Variants in CLNK observed in about 807,000 individuals in gnomAD.
CLNK encodes the protein cytokine dependent hematopoietic cell linker, also known as cytokine-dependent hematopoietic cell linker.
A neutral mutation model predicts 68.6 loss-of-function variants in CLNK; 74 were observed. The ratio of observed to expected loss-of-function variants is 1.08; its 90% confidence interval spans 0.89 to 1.31. The LOEUF is 1.31. Ranked by LOEUF, CLNK falls within the 50% of genes most tolerant of loss-of-function variation. CLNK has a pLI of 0.00. For missense variants in CLNK, 553 were observed against 515.3 expected, an observed-to-expected ratio of 1.07 and a Z score of -0.71; for synonymous variants, 198 against 172.2, an observed-to-expected ratio of 1.15 and a Z score of -1.17.
chr4:10,633,438 C>T (rs1217150307), intron 2 of CLNK, among the ~76,000 whole-genome samples: 1 of 152,246 alleles, frequency 6.6e-6, no homozygotes, highest in Non-Finnish European at 1.5e-5. Flanking sequence ...AACGCTTACT[C>T]TGTGCCAGAT....
intron 2 of CLNK, among the ~76,000 whole-genome samples, chr4:10,632,168 C>G (rs955082502): frequency 6.6e-6 from 1 of 152,226 alleles, no homozygotes; most frequent in Non-Finnish European, 1.5e-5. Flanking sequence ...ATGGCAACTT[C>G]TTTTCCCCAG....
At chr4:10,663,167 C>G (rs1308600664) in intron 2 of CLNK, among the ~76,000 whole-genome samples, 1 of 152,244 alleles carries the variant, frequency 6.6e-6, no homozygotes, top group African/African-American at 2.4e-5. Flanking sequence ...ATGCCCTTAT[C>G]TAGCCCCAGC....
chr4:10,585,439 G>C (rs1390314887), intron 3 of CLNK, among the ~76,000 whole-genome samples: 1 of 152,220 alleles, frequency 6.6e-6, no homozygotes, highest in Admixed American at 6.5e-5. Context: ...GTTCAAATCA[G>C]GCAAACGCCG....
chr4:10,703,634 C>A, the CLNK span, among the ~76,000 whole-genome samples: 1 of 152,036 alleles, frequency 6.6e-6, no homozygotes, highest in Non-Finnish European at 1.5e-5. Context: ...TGTCATTAGG[C>A]GATTTTGTAG....
chr4:10,607,215 C>A (rs1721823986), intron 2 of CLNK, among the ~76,000 whole-genome samples: 1 of 152,190 alleles, frequency 6.6e-6, no homozygotes, highest in South Asian at 2.1e-4. Context: ...TCGAGCAAGG[C>A]TTTGAGCTGG....
chr4:10,509,930 G>C (rs1389817245), intron 16 of CLNK, among the ~76,000 whole-genome samples: 3 of 152,174 alleles, frequency 2.0e-5, no homozygotes, highest in African/African-American at 7.2e-5. Flanking sequence ...AAAGCCACGT[G>C]ACAGGCTCTA....
chr4:10,600,803 T>C (rs188524804), intron 2 of CLNK, among the ~76,000 whole-genome samples: 22 of 152,328 alleles, frequency 1.4e-4, no homozygotes, highest in African/African-American at 5.3e-4. Flanking sequence ...CTGCACTGAG[T>C]AGGAGCCCTC....
the CLNK span, among the ~76,000 whole-genome samples, chr4:10,699,507 TA>T: frequency 2.9e-5 from 1 of 34,928 alleles, no homozygotes; most frequent in East Asian, 1.4e-3. Flanking sequence ...TATATATATA[TA>T]TATATTTTTT....
intron 4 of CLNK, among the ~76,000 whole-genome samples, chr4:10,584,106 TC>T (rs1720887406): frequency 6.6e-6 from 1 of 152,196 alleles, no homozygotes; most frequent in Admixed American, 6.5e-5. Flanking sequence ...GAAAACTTTT[TC>T]TGTAGAGGGA....
At chr4:10,560,150 C>T (rs533159865) in intron 7 of CLNK, among the ~76,000 whole-genome samples, 34 of 152,328 alleles carry the variant, frequency 2.2e-4, no homozygotes, top group South Asian at 8.3e-4. Context: ...TGCAGGTCTG[C>T]GTGCGTTTGC....
chr4:10,645,517 G>C (rs1347891443), intron 2 of CLNK, among the ~76,000 whole-genome samples: 1 of 152,008 alleles, frequency 6.6e-6, no homozygotes. Flanking sequence ...AGATAGACAG[G>C]AATTTACATA....
the CLNK span, among the ~76,000 whole-genome samples, chr4:10,699,802 C>T: frequency 2.0e-5 from 3 of 151,740 alleles, no homozygotes; most frequent in Non-Finnish European, 4.4e-5. Flanking sequence ...GCATGAGCCA[C>T]GGCACCCCGC....
At chr4:10,699,512 ATTTTTT>A in the CLNK span, among the ~76,000 whole-genome samples, 1 of 32,748 alleles carries the variant, frequency 3.1e-5, no homozygotes, top group African/African-American at 1.2e-4. Flanking sequence ...ATATATATAT[ATTTTTT>A]TTTTTTTTTT....
intron 3 of CLNK, among the ~76,000 whole-genome samples, chr4:10,592,007 C>T (rs973402390): frequency 2.6e-5 from 4 of 152,230 alleles, no homozygotes; most frequent in Non-Finnish European, 4.4e-5. Context: ...ACACCCAAGA[C>T]CCTCTTGGCC....
chr4:10,700,699 G>C, the CLNK span, among the ~76,000 whole-genome samples: 1 of 152,126 alleles, frequency 6.6e-6, no homozygotes, highest in East Asian at 1.9e-4. Flanking sequence ...GGGTCGTAAA[G>C]GAGTTTACAT....
At chr4:10,564,814 G>T (rs761278546) in intron 6 of CLNK, 37 bp from the exon 7 acceptor site, 7 of 1,222,630 alleles carry the variant, frequency 5.7e-6, no homozygotes, top group Non-Finnish European at 8.5e-6. Flanking sequence ...CATACCTTAC[G>T]TGGACTCAGC....
In CLNK at chr4:10,487,946, T is replaced by C. The variant is rs1716423009; in HGVS notation, c.*2521A>G. 1 of 152,118 alleles carries C rather than the reference T, an allele frequency of 6.6e-6. No homozygotes were observed. The highest frequency in any genetic ancestry group is 1.5e-5 in the Non-Finnish European group (1 of 68,030). 9.4% of individuals were successfully genotyped at this position (152,118 alleles called of 1,614,324 possible). On this transcript the variant is annotated 3_prime_UTR_variant, in exon 19 of 19. Coordinates refer to ENST00000226951, the MANE Select transcript of CLNK (RefSeq NM_052964.4). ...CCAATCAGTGTTTGCACTTCTAACTTTGTCCTGGTGTCTGAGTTCTAGAAA... is the reference window on the plus strand; with the variant it reads ...CCAATCAGTGTTTGCACTTCTAACTCTGTCCTGGTGTCTGAGTTCTAGAAA...
chr4:10,628,311 T>TA (rs1722755661), intron 2 of CLNK, among the ~76,000 whole-genome samples: 1 of 81,368 alleles, frequency 1.2e-5, no homozygotes, highest in African/African-American at 3.2e-5. Context: ...TAGTTAGACT[T>TA]GTTTTTTTTT....
intron 2 of CLNK, among the ~76,000 whole-genome samples, chr4:10,625,149 C>G (rs564146069): frequency 6.6e-6 from 1 of 152,310 alleles, no homozygotes; most frequent in East Asian, 1.9e-4. Context: ...ATCTCTTGCC[C>G]ATGGTGCTGT....
Sources: gnomAD v4.1 joint callset for allele counts (sites outside exome capture counted in the v4.1 genomes callset) on GRCh38, gnomAD v4.1.1 for gene constraint, MANE v1.5 for transcripts, NCBI Gene and HGNC (gene_info 2026-07-23, HGNC 2026-07-21) for gene names.